SMAD3: variants seen among roughly 807,000 people sequenced by gnomAD.
SMAD3 encodes the protein SMAD family member 3, also known as MAD homolog 3.
In SMAD3, 12 loss-of-function variants were observed where a neutral mutation model predicts 51.8. The ratio of observed to expected loss-of-function variants is 0.23; its 90% confidence interval spans 0.15 to 0.38. SMAD3 has a LOEUF of 0.38. Ranked by LOEUF, SMAD3 falls within the 10% of genes least tolerant of loss-of-function variation. The pLI is 1.00. For synonymous variants in SMAD3, 238 were observed against 227.7 expected, an observed-to-expected ratio of 1.05 and a Z score of -0.41; for missense variants, 294 against 565.6, an observed-to-expected ratio of 0.52 and a Z score of 4.87.
intron 1 of SMAD3, among the ~76,000 whole-genome samples, chr15:67,073,733 G>A (rs1336107197): frequency 6.6e-6 from 1 of 152,212 alleles, no homozygotes; most frequent in Non-Finnish European, 1.5e-5. Context: ...AAAGTGCAAT[G>A]GCGCGGTCTT....
At chr15:67,169,244 C>T (rs1002408803) in intron 4 of SMAD3, among the ~76,000 whole-genome samples, 10 of 152,116 alleles carry the variant, frequency 6.6e-5, no homozygotes, top group Non-Finnish European at 1.2e-4. Context: ...GATTCTGTAA[C>T]TTAGTTCTCT....
chr15:67,140,972 C>T (rs1011533781), intron 1 of SMAD3, among the ~76,000 whole-genome samples: 2 of 152,158 alleles, frequency 1.3e-5, no homozygotes, highest in African/African-American at 4.8e-5. Context: ...TCAAGATTTA[C>T]ACACAAAATC....
chr15:67,104,321 A>G (rs933748841), intron 1 of SMAD3, among the ~76,000 whole-genome samples: 5 of 152,236 alleles, frequency 3.3e-5, no homozygotes, highest in Admixed American at 2.6e-4. Context: ...CACTGTATAC[A>G]TCAAGTCATG....
intron 3 of SMAD3, chr15:67,166,567 T>C: frequency 1.6e-6 from 1 of 633,844 alleles, no homozygotes; most frequent in Non-Finnish European, 2.9e-6. Context: ...CGGTCCTGCG[T>C]GAGCAAAGGC....
rs1396091966 is a variant in SMAD3 at position 67,192,176 on chromosome 15, G to A, written c.*1640G>A. The stretch of plus-strand genomic sequence containing the variant: ...TTTTGGCAAGTCATACAGCTCAAAT[G>A]TGATGAGATTTCTGATGTTAGAGGG... On this transcript the variant is annotated 3_prime_UTR_variant, in exon 9 of 9. Coordinates refer to ENST00000327367, the MANE Select transcript of SMAD3 (RefSeq NM_005902.4). 1 of 232,768 alleles carries A rather than the reference G, an allele frequency of 4.3e-6. No individual in the cohort carries two copies. Among genetic ancestry groups the A allele is most frequent in the South Asian group, 1.8e-4 (1 of 5,528 alleles). The allele number at this position is 232,768 out of a possible 1,614,324, so 14.4% of individuals were successfully genotyped here.
chr15:67,115,487 C>T (rs1357713114), intron 1 of SMAD3, among the ~76,000 whole-genome samples: 1 of 152,246 alleles, frequency 6.6e-6, no homozygotes, highest in African/African-American at 2.4e-5. Context: ...TTTGAATCCA[C>T]ATCTGCTGTG....
At chr15:67,160,770 C>CAAAAAAAAAAA (rs547354315) in intron 1 of SMAD3, among the ~76,000 whole-genome samples, 16 of 61,040 alleles carry the variant, frequency 2.6e-4, no homozygotes, top group African/African-American at 7.3e-4. Context: ...GACTCCATCT[C>CAAAAAAAAAAA]AAAAAAAAAA....
chr15:67,190,556 G>A lies in SMAD3; in HGVS notation c.*20G>A, dbSNP rs766151342. On this transcript the variant is annotated 3_prime_UTR_variant, in exon 9 of 9. Transcript: ENST00000327367. ...TCTTAGAGACATCAAGTATGGTAGG[G>A]GAGGGCAGGCTTGGGGAAAATGGCC... is the stretch of plus-strand genomic sequence containing the variant. The A allele has an allele frequency of 3.1e-6, 5 of 1,613,622 alleles. No individual in the cohort carries two copies. The Admixed American group carries it at 6.7e-5, about 22-fold the overall frequency.
At chr15:67,097,773 A>T (rs1333364266) in intron 1 of SMAD3, among the ~76,000 whole-genome samples, 1 of 152,166 alleles carries the variant, frequency 6.6e-6, no homozygotes, top group African/African-American at 2.4e-5. Flanking sequence ...GGAAGAAACA[A>T]TTCCTGTGGG....
At chr15:67,184,134 C>T (rs1963156675) in intron 6 of SMAD3, among the ~76,000 whole-genome samples, 1 of 148,548 alleles carries the variant, frequency 6.7e-6, no homozygotes, top group Non-Finnish European at 1.5e-5. Flanking sequence ...TAGGGTCTCA[C>T]TCTGTCTCCC....
chr15:67,190,300 A>G (rs1476093469), intron 8 of SMAD3, 113 bp from the exon 9 acceptor site: 3 of 1,010,476 alleles, frequency 3.0e-6, no homozygotes, highest in Non-Finnish European at 4.6e-6. Context: ...ACAGCGTCTA[A>G]CAGCATCTTT....
At chr15:67,189,794 A>G (rs1476044729) in intron 8 of SMAD3, among the ~76,000 whole-genome samples, 1 of 152,122 alleles carries the variant, frequency 6.6e-6, no homozygotes, top group Non-Finnish European at 1.5e-5. Flanking sequence ...CTTTGGGGAA[A>G]AGAAACGTGT....
At chr15:67,084,578 C>CTTTTTTTTTTTTTTTTTTTTTT (rs1960349139) in intron 1 of SMAD3, among the ~76,000 whole-genome samples, 1 of 152,118 alleles carries the variant, frequency 6.6e-6, no homozygotes, top group African/African-American at 2.4e-5. Context: ...TACTGAGCTT[C>CTTTTTTTTTTTTTTTTTTTTTT]TTTTGTTGGT....
At chr15:67,075,410 A>G (rs1444384158) in intron 1 of SMAD3, among the ~76,000 whole-genome samples, 1 of 152,212 alleles carries the variant, frequency 6.6e-6, no homozygotes, top group African/African-American at 2.4e-5. Context: ...CTACCCAGAC[A>G]GGTTCTTCAC....
intron 1 of SMAD3, among the ~76,000 whole-genome samples, chr15:67,142,199 A>ACGCC (rs1555410236): frequency 7.8e-6 from 1 of 127,952 alleles, no homozygotes; most frequent in Non-Finnish European, 1.6e-5. Flanking sequence ...TCCTCCCCAC[A>ACGCC]CCCCCCCCAC....
chr15:67,091,740 A>G (rs1268562921), intron 1 of SMAD3, among the ~76,000 whole-genome samples: 1 of 152,204 alleles, frequency 6.6e-6, no homozygotes, highest in South Asian at 2.1e-4. Context: ...TCTAGAAGGT[A>G]ATAGCCTTCT....
chr15:67,145,330 A>G (rs924529775), intron 1 of SMAD3, among the ~76,000 whole-genome samples: 1 of 152,200 alleles, frequency 6.6e-6, no homozygotes, highest in African/African-American at 2.4e-5. Flanking sequence ...CATTTTCACA[A>G]TCCACGAAGG....
chr15:67,176,458 G>A (rs1025308675), intron 5 of SMAD3, among the ~76,000 whole-genome samples: 2 of 152,190 alleles, frequency 1.3e-5, no homozygotes, highest in East Asian at 1.9e-4. Context: ...TTGACCTTTC[G>A]TCTTGCAGCA....
At chr15:67,185,242 C>A (rs1159314441) in intron 7 of SMAD3, among the ~76,000 whole-genome samples, 1 of 152,226 alleles carries the variant, frequency 6.6e-6, no homozygotes, top group African/African-American at 2.4e-5. Context: ...GCAGACCTTA[C>A]AGGCCTGCAG....
Sources: allele counts gnomAD v4.1 joint callset (sites outside exome capture counted in the v4.1 genomes callset), GRCh38; gene constraint gnomAD v4.1.1; transcripts MANE v1.5; gene names NCBI Gene and HGNC (gene_info 2026-07-23, HGNC 2026-07-21).